Variants in TAAR1 observed in about 807,000 individuals in gnomAD.
TAAR1 encodes trace amine-associated receptor 1.
TAAR1 carries 1 observed loss-of-function variant against 1.2 expected under a neutral mutation model. The observed-to-expected ratio is 0.81, with a 90% CI of 0.29 to 3.86. TAAR1 has a LOEUF of 3.86. Ranked by LOEUF, TAAR1 falls within the 30% of genes most tolerant of loss-of-function variation. The probability of loss-of-function intolerance (pLI) is 0.18; values close to 1 mark genes in which losing one functional copy is unlikely to be tolerated. For missense variants in TAAR1, 445 were observed against 405.6 expected, an observed-to-expected ratio of 1.10 and a Z score of -0.83; for synonymous variants, 153 against 132.2, an observed-to-expected ratio of 1.16 and a Z score of -1.08.
intron 1 of TAAR1, among the ~76,000 whole-genome samples, chr6:132,649,433 C>T (rs776284331): frequency 4.6e-5 from 7 of 152,114 alleles, no homozygotes; most frequent in African/African-American, 7.2e-5. Context: ...TCCACCCTAA[C>T]CTCTAACCCC....
chr6:132,657,622 C>T (rs747132935), intron 1 of TAAR1, among the ~76,000 whole-genome samples: 76 of 151,758 alleles, frequency 5.0e-4, no homozygotes, highest in Non-Finnish European at 8.5e-4. Flanking sequence ...AATAGGGATA[C>T]ACACTCACAT....
At chr6:132,652,548 G>T (rs1159577967) in intron 1 of TAAR1, among the ~76,000 whole-genome samples, 1 of 149,310 alleles carries the variant, frequency 6.7e-6, no homozygotes, top group Non-Finnish European at 1.5e-5. Flanking sequence ...CTCGTGATCC[G>T]CCTGCCTCGG....
chr6:132,656,657 T>C (rs1002615683), intron 1 of TAAR1, among the ~76,000 whole-genome samples: 2 of 152,194 alleles, frequency 1.3e-5, no homozygotes, highest in African/African-American at 2.4e-5. Context: ...TTAGCCTGGT[T>C]CTGAATTCTG....
intron 1 of TAAR1, among the ~76,000 whole-genome samples, chr6:132,648,540 T>A (rs1342892087): frequency 2.0e-5 from 3 of 152,320 alleles, no homozygotes; most frequent in Admixed American, 1.3e-4. Context: ...CATACTGGTT[T>A]AAGAGACATC....
At chr6:132,658,166 A>G (rs1763665606) in intron 1 of TAAR1, among the ~76,000 whole-genome samples, 1 of 152,186 alleles carries the variant, frequency 6.6e-6, no homozygotes, top group African/African-American at 2.4e-5. Flanking sequence ...TTTTTAATAA[A>G]CATACTAAAA....
chr6:132,654,618 C>G (rs1777782776), intron 1 of TAAR1, among the ~76,000 whole-genome samples: 1 of 152,102 alleles, frequency 6.6e-6, no homozygotes, highest in South Asian at 2.1e-4. Context: ...GGAAATATGA[C>G]TTTACGATAT....
chr6:132,656,730 A>T (rs1417059506), intron 1 of TAAR1, among the ~76,000 whole-genome samples: 1 of 152,210 alleles, frequency 6.6e-6, no homozygotes, highest in Non-Finnish European at 1.5e-5. Context: ...TTAAAAGGAA[A>T]GAAGTTCAGG....
Position 132,644,526 on chromosome 6 carries a change from A to G in TAAR1, c.*458T>C, listed in dbSNP as rs1417471781. On this transcript the variant is annotated 3_prime_UTR_variant, in exon 2 of 2. Transcript: ENST00000275216. Reference sequence around the variant, plus strand: ...AATACAAATAAATTATGTGTCAACAATTATTTAGCGGTAACATTTAATGTG... The same window carrying G: ...AATACAAATAAATTATGTGTCAACAGTTATTTAGCGGTAACATTTAATGTG... 6.6e-6 allele frequency among the ~76,000 whole-genome samples: 1 copy of G among 152,070 alleles called. No individual in the cohort carries two copies. Among genetic ancestry groups the G allele is most frequent in the African/African-American group, 2.4e-5 (1 of 41,426 alleles).
In TAAR1 at chr6:132,646,028, C is replaced by G; in HGVS notation, c.-25G>C. 6.5e-7 allele frequency: 1 copy of G among 1,548,078 alleles called. No individual in the cohort carries two copies. The highest frequency in any genetic ancestry group is 8.7e-7 in the Non-Finnish European group (1 of 1,146,900). The stretch of plus-strand genomic sequence containing the variant: ...TTCCTGAGGGCTGTCAATCAGTTTA[C>G]TTTTCCCTTTGTGTGTTGATTTATC... On this transcript the variant is annotated 5_prime_UTR_variant, in exon 2 of 2. Transcript: ENST00000275216.
chr6:132,655,962 T>C (rs999526792), intron 1 of TAAR1, among the ~76,000 whole-genome samples: 7 of 151,946 alleles, frequency 4.6e-5, no homozygotes, highest in African/African-American at 1.2e-4. Flanking sequence ...GTTAGAGAGA[T>C]GGGGAAGATG....
At chr6:132,653,640 A>G (rs1200840517) in intron 1 of TAAR1, among the ~76,000 whole-genome samples, 2 of 152,344 alleles carry the variant, frequency 1.3e-5, no homozygotes, top group East Asian at 1.9e-4. Context: ...TTGATAATAA[A>G]TAGTCTAAAA....
chr6:132,645,046 A>G lies in TAAR1; in HGVS notation c.958T>C (p.Phe320Leu), dbSNP rs2114269451. Reference sequence around the variant, plus strand: ...GAATCTTTTTGGAAAATTTTACCAAACAGCATCATCTTCAGTGCTTTTCTA... The same window carrying G: ...GAATCTTTTTGGAAAATTTTACCAAGCAGCATCATCTTCAGTGCTTTTCTA... ...WFRKALKMML[F>L]GKIFQKDSSR... The change falls in exon 2 of 2, where the codon TTT (phenylalanine) becomes CTT (leucine). Residue 320 changes from phenylalanine to leucine, a missense_variant. Coordinates refer to ENST00000275216, the MANE Select transcript of TAAR1 (RefSeq NM_138327.4). 1 of 1,593,608 alleles carries G rather than the reference A, an allele frequency of 6.3e-7. No homozygotes were observed. The highest frequency in any genetic ancestry group is 2.2e-5 in the East Asian group (1 of 44,726).
chr6:132,646,161 G>A (rs8192617), intron 1 of TAAR1, among the ~76,000 whole-genome samples, 32 bp from the exon 2 acceptor site: 1,716 of 152,170 alleles, frequency 0.011, 23 homozygotes, highest in Middle Eastern at 0.017. Flanking sequence ...TAAATCATTG[G>A]CAATTTGAGT....
At chr6:132,647,370 A>ACACACACACACACACATACGCATG (rs1191612179) in intron 1 of TAAR1, among the ~76,000 whole-genome samples, 10 of 138,920 alleles carry the variant, frequency 7.2e-5, no homozygotes, top group African/African-American at 1.8e-4. Context: ...ATGCACACAC[A>ACACACACACACACACATACGCATG]CACACACACA....
intron 1 of TAAR1, among the ~76,000 whole-genome samples, chr6:132,656,168 A>G (rs1029489489): frequency 3.9e-5 from 6 of 152,134 alleles, no homozygotes; most frequent in African/African-American, 1.4e-4. Context: ...AAAACAACCA[A>G]ACAAAAAGAA....
intron 1 of TAAR1, among the ~76,000 whole-genome samples, chr6:132,658,886 C>A (rs1219918258): frequency 6.6e-6 from 1 of 152,110 alleles, no homozygotes; most frequent in African/African-American, 2.4e-5. Flanking sequence ...ACATGTAAAG[C>A]AAGCTATTTA....
chr6:132,648,513 G>A (rs755960835), intron 1 of TAAR1, among the ~76,000 whole-genome samples: 110 of 152,264 alleles, frequency 7.2e-4, no homozygotes, highest in Non-Finnish European at 1.4e-3. Flanking sequence ...AGAGGTTACC[G>A]CAAGCTCATA....
Position 132,645,395 on chromosome 6 carries a change from T to A in TAAR1, c.609A>T (p.Gly203=). Residue 203 remains glycine, a synonymous_variant, in exon 2 of 2, where the codon GGA becomes GGT. Coordinates refer to ENST00000275216, the MANE Select transcript of TAAR1 (RefSeq NM_138327.4). ...LTFMTSFYIP[G]SIMLCVYYRI... is the part of the protein sequence containing the mutation. The stretch of plus-strand genomic sequence containing the variant: ...TGTAATAGACACATAACATAATAGA[T>A]CCAGGTATATAAAAAGAAGTCATAA... 3 of 1,613,552 alleles carry A rather than the reference T, an allele frequency of 1.9e-6. No individual in the cohort carries two copies. Among genetic ancestry groups the A allele is most frequent in the Non-Finnish European group, 2.5e-6 (3 of 1,179,764 alleles).
Position 132,646,027 on chromosome 6 carries a change from AC to A in TAAR1, c.-25del. The A allele has an allele frequency of 6.5e-7, 1 of 1,549,730 alleles. No homozygotes were observed. Among genetic ancestry groups the A allele is most frequent in the Non-Finnish European group, 8.7e-7 (1 of 1,147,790 alleles). On this transcript the variant is annotated 5_prime_UTR_variant, in exon 2 of 2. Transcript: ENST00000275216. ...ATTCCTGAGGGCTGTCAATCAGTTT[AC>A]TTTTCCCTTTGTGTGTTGATTTATC...
Sources: gnomAD v4.1 joint callset for allele counts (sites outside exome capture counted in the v4.1 genomes callset) on GRCh38, gnomAD v4.1.1 for gene constraint, MANE v1.5 for transcripts, NCBI Gene and HGNC (gene_info 2026-07-23, HGNC 2026-07-21) for gene names.